KIF26B: variants seen among roughly 807,000 people sequenced by gnomAD.
The protein encoded by KIF26B is kinesin family member 26B.
In KIF26B, 63 loss-of-function variants were observed where a neutral mutation model predicts 151.2. That is an observed-to-expected ratio of 0.42 (90% confidence interval 0.34 to 0.51). KIF26B has a LOEUF of 0.51. KIF26B is among the 20% of genes least tolerant of loss of function. KIF26B has a pLI of 0.07. For missense variants in KIF26B, 2,813 were observed against 2,913.6 expected (o/e 0.97, Z 0.79); for synonymous variants, 1,357 against 1,262.1 (o/e 1.08, Z -1.59).
intron 4 of KIF26B, among the ~76,000 whole-genome samples, chr1:245,471,173 T>TA (rs988434258): frequency 2.6e-5 from 4 of 151,838 alleles, no homozygotes; most frequent in African/African-American, 9.7e-5. Context: ...CCCTGTCACC[T>TA]AGACTGGAGT....
chr1:245,622,756 G>A (rs903206048), intron 9 of KIF26B, among the ~76,000 whole-genome samples: 12 of 152,174 alleles, frequency 7.9e-5, no homozygotes, highest in African/African-American at 7.2e-5. Context: ...AAGCTGGGCC[G>A]CCTGGAAAGA....
intron 4 of KIF26B, among the ~76,000 whole-genome samples, chr1:245,484,086 G>A (rs1046495518): frequency 3.3e-5 from 5 of 151,568 alleles, no homozygotes; most frequent in East Asian, 1.9e-4. Context: ...CTGATCCCAC[G>A]CCATTTTTTT....
chr1:245,187,870 G>C (rs1669026893), intron 2 of KIF26B, among the ~76,000 whole-genome samples: 1 of 152,168 alleles, frequency 6.6e-6, no homozygotes, highest in African/African-American at 2.4e-5. Flanking sequence ...TCATGTTTTT[G>C]AGCTCTAGAT....
intron 5 of KIF26B, among the ~76,000 whole-genome samples, chr1:245,579,780 G>A (rs959006169): frequency 1.3e-5 from 2 of 152,086 alleles, no homozygotes; most frequent in African/African-American, 4.8e-5. Context: ...CCTGGAAGGT[G>A]GAGGTTGCGG....
chr1:245,270,841 GT>G (rs1225840691), intron 2 of KIF26B, among the ~76,000 whole-genome samples: 1 of 152,184 alleles, frequency 6.6e-6, no homozygotes, highest in African/African-American at 2.4e-5. Flanking sequence ...CAAGACCAAT[GT>G]TTTGAAACTT....
chr1:245,465,394 C>G (rs879854105), intron 4 of KIF26B, among the ~76,000 whole-genome samples: 31 of 71,446 alleles, frequency 4.3e-4, no homozygotes, highest in Non-Finnish European at 6.7e-4. Context: ...CACCTAAGCT[C>G]GTGACCAGGG....
chr1:245,424,207 G>A (rs1572054938), intron 4 of KIF26B, among the ~76,000 whole-genome samples: 1 of 152,038 alleles, frequency 6.6e-6, no homozygotes, highest in African/African-American at 2.4e-5. Context: ...CCAGGCTGGA[G>A]TGCAGTGGCG....
intron 2 of KIF26B, among the ~76,000 whole-genome samples, chr1:245,309,284 G>C (rs1671619525): frequency 6.6e-6 from 1 of 152,166 alleles, no homozygotes; most frequent in Admixed American, 6.5e-5. Flanking sequence ...GTCAAACGTT[G>C]TTCTTGGGTG....
At chr1:245,587,480 A>G (rs1357672317) in intron 5 of KIF26B, among the ~76,000 whole-genome samples, 1 of 151,984 alleles carries the variant, frequency 6.6e-6, no homozygotes, top group Non-Finnish European at 1.5e-5. Flanking sequence ...TATCTTCTAG[A>G]CTCATTTGGG....
chr1:245,191,367 C>T (rs976945607), intron 2 of KIF26B, among the ~76,000 whole-genome samples: 6 of 151,878 alleles, frequency 4.0e-5, no homozygotes, highest in Admixed American at 6.6e-5. Flanking sequence ...CCCAGCTACT[C>T]GGGAGGCTGA....
At chr1:245,386,030 C>G (rs375922877) in intron 3 of KIF26B, among the ~76,000 whole-genome samples, 1 of 152,110 alleles carries the variant, frequency 6.6e-6, no homozygotes, top group African/African-American at 2.4e-5. Context: ...CATCTGAGGT[C>G]AGGAGTTCAA....
At chr1:245,448,716 T>A (rs568490492) in intron 4 of KIF26B, among the ~76,000 whole-genome samples, 15 of 152,354 alleles carry the variant, frequency 9.8e-5, no homozygotes, top group Admixed American at 5.2e-4. Flanking sequence ...CAGTTTGGTC[T>A]GGAGTTTGAT....
At chr1:245,275,027 TGAG>T (rs1424586026) in intron 2 of KIF26B, among the ~76,000 whole-genome samples, 1 of 152,360 alleles carries the variant, frequency 6.6e-6, no homozygotes, top group African/African-American at 2.4e-5. Context: ...CTAACTGGCG[TGAG>T]ATGGTATCTC....
chr1:245,309,255 C>T lies in KIF26B; in HGVS notation c.466-57579C>T, dbSNP rs762314305. Among the ~76,000 whole-genome samples, 19 of 152,086 alleles carry T rather than the reference C, an allele frequency of 1.2e-4. 1 individual carries two copies. The highest frequency in any genetic ancestry group is 6.6e-4 in the Admixed American group (10 of 15,242). On this transcript the variant is annotated intron_variant, in intron 2 of 14. Transcript: ENST00000407071. Reference sequence around the variant, plus strand: ...TTTCTGTGTCAACTTGACTGGGCCGCGGGATGCCCAGATATTTGGTCAAAC... The same window carrying T: ...TTTCTGTGTCAACTTGACTGGGCCGTGGGATGCCCAGATATTTGGTCAAAC...
chr1:245,548,171 A>G (rs921590230), intron 5 of KIF26B, among the ~76,000 whole-genome samples: 1 of 152,184 alleles, frequency 6.6e-6, no homozygotes, highest in Non-Finnish European at 1.5e-5. Flanking sequence ...TGTTCATTTC[A>G]GTTTCCGTCA....
chr1:245,661,132 G>A (rs958264804), intron 10 of KIF26B, among the ~76,000 whole-genome samples: 3 of 151,820 alleles, frequency 2.0e-5, no homozygotes, highest in Non-Finnish European at 4.4e-5. Flanking sequence ...GATTATTTGC[G>A]CCTGCCACCA....
intron 2 of KIF26B, among the ~76,000 whole-genome samples, chr1:245,355,221 G>A (rs574764020): frequency 1.3e-5 from 2 of 152,256 alleles, no homozygotes; most frequent in East Asian, 1.9e-4. Context: ...CACTGCGCCC[G>A]GCCAGTGATT....
intron 2 of KIF26B, among the ~76,000 whole-genome samples, chr1:245,260,750 G>A (rs536179820): frequency 3.3e-5 from 5 of 152,274 alleles, no homozygotes; most frequent in Non-Finnish European, 5.9e-5. Flanking sequence ...CTTGTACTGG[G>A]CCTGGATGGG....
chr1:245,370,796 G>A (rs767283166), intron 3 of KIF26B: 1 of 365,656 alleles, frequency 2.7e-6, no homozygotes, highest in Non-Finnish European at 5.4e-6. Context: ...CAATGATTCT[G>A]TTCTTCCTCT....
Sources: gnomAD v4.1 joint callset for allele counts (sites outside exome capture counted in the v4.1 genomes callset) on GRCh38, gnomAD v4.1.1 for gene constraint, MANE v1.5 for transcripts, NCBI Gene and HGNC (gene_info 2026-07-23, HGNC 2026-07-21) for gene names.